The following MAML3 variants were observed in gnomAD, a reference collection of about 807,000 sequenced individuals.
MAML3 encodes mastermind-like protein 3.
MAML3 carries 27 observed loss-of-function variants against 101.9 expected under a neutral mutation model. The ratio of observed to expected loss-of-function variants is 0.27; its 90% CI spans 0.20 to 0.37. The LOEUF (loss-of-function observed/expected upper bound fraction) is 0.37. MAML3 is among the 10% of genes least tolerant of loss of function. The probability of loss-of-function intolerance (pLI) is 1.00; values close to 1 mark genes in which losing one functional copy is unlikely to be tolerated. For synonymous variants in MAML3, 501 were observed against 555.9 expected, an observed-to-expected ratio of 0.90 and a Z score of 1.39; for missense variants, 1,316 against 1,444.9, an observed-to-expected ratio of 0.91 and a Z score of 1.45.
intron 1 of MAML3, among the ~76,000 whole-genome samples, chr4:139,948,194 G>A (rs1733766757): frequency 6.6e-6 from 1 of 151,968 alleles, no homozygotes. Context: ...CAAAACAAAA[G>A]TCTATGTGGA....
At chr4:140,073,208 G>T (rs1727694543) in intron 1 of MAML3, among the ~76,000 whole-genome samples, 2 of 151,748 alleles carry the variant, frequency 1.3e-5, no homozygotes, top group Non-Finnish European at 1.5e-5. Flanking sequence ...CAAGATCTTG[G>T]TTCACTGCAA....
chr4:140,045,131 C>T (rs1727160518), intron 1 of MAML3, among the ~76,000 whole-genome samples: 2 of 152,204 alleles, frequency 1.3e-5, no homozygotes, highest in Admixed American at 1.3e-4. Flanking sequence ...CACAGTGGCT[C>T]ATGCCTGTAA....
chr4:139,831,101 T>C (rs1560807445), intron 2 of MAML3, among the ~76,000 whole-genome samples: 1 of 152,140 alleles, frequency 6.6e-6, no homozygotes, highest in Non-Finnish European at 1.5e-5. Flanking sequence ...CCTCAGAGAA[T>C]AGAAGAGGTT....
chr4:139,722,585 T>C (rs1446042659), intron 4 of MAML3, among the ~76,000 whole-genome samples: 1 of 152,188 alleles, frequency 6.6e-6, no homozygotes, highest in African/African-American at 2.4e-5. Context: ...GATGATAGTA[T>C]CCAACTTTTT....
intron 1 of MAML3, among the ~76,000 whole-genome samples, chr4:140,018,346 T>C (rs550560326): frequency 6.6e-6 from 1 of 152,260 alleles, no homozygotes; most frequent in East Asian, 1.9e-4. Context: ...TATCTACTCA[T>C]GGAAAGATCA....
chr4:139,999,649 C>T (rs537151208), intron 1 of MAML3, among the ~76,000 whole-genome samples: 4 of 152,254 alleles, frequency 2.6e-5, no homozygotes, highest in East Asian at 1.9e-4. Flanking sequence ...TACAGAGAGG[C>T]TTGGCAGTCT....
At chr4:139,883,840 A>G (rs1732269689) in intron 2 of MAML3, among the ~76,000 whole-genome samples, 2 of 151,634 alleles carry the variant, frequency 1.3e-5, no homozygotes, top group African/African-American at 4.8e-5. Flanking sequence ...AAACTGAAAA[A>G]AGGGGTTCCA....
chr4:140,135,758 C>A (rs776497378), intron 1 of MAML3, among the ~76,000 whole-genome samples: 8 of 152,244 alleles, frequency 5.3e-5, no homozygotes, highest in Non-Finnish European at 1.0e-4. Context: ...TGTCCTGCTG[C>A]AACAGTGGGG....
At chr4:139,971,916 A>G (rs1734241399) in intron 1 of MAML3, among the ~76,000 whole-genome samples, 2 of 152,194 alleles carry the variant, frequency 1.3e-5, no homozygotes, top group African/African-American at 4.8e-5. Context: ...TGGCTCATTC[A>G]CTAGTGGACC....
At chr4:140,008,531 G>A (rs1017785938) in intron 1 of MAML3, among the ~76,000 whole-genome samples, 1 of 152,164 alleles carries the variant, frequency 6.6e-6, no homozygotes, top group Non-Finnish European at 1.5e-5. Context: ...GGTCCCTGAA[G>A]GAACTACGAA....
At chr4:140,150,713 C>T (rs932489857) in intron 1 of MAML3, among the ~76,000 whole-genome samples, 64 of 151,960 alleles carry the variant, frequency 4.2e-4, no homozygotes, top group Admixed American at 3.4e-3. Flanking sequence ...TTCTCAGTCT[C>T]AGGTTCACAA....
chr4:139,797,178 T>A (rs754879312), intron 2 of MAML3, among the ~76,000 whole-genome samples: 4 of 152,228 alleles, frequency 2.6e-5, no homozygotes, highest in Non-Finnish European at 4.4e-5. Flanking sequence ...TATCTCAACC[T>A]AAGTTGGCAT....
intron 1 of MAML3, among the ~76,000 whole-genome samples, chr4:140,129,448 C>G (rs1202185343): frequency 6.6e-6 from 1 of 152,108 alleles, no homozygotes; most frequent in East Asian, 1.9e-4. Context: ...CAAATTAAAT[C>G]AAAACTGATT....
At chr4:140,069,421 G>GGGGAAGGAGGA (rs1560883650) in intron 1 of MAML3, among the ~76,000 whole-genome samples, 17 of 26,810 alleles carry the variant, frequency 6.3e-4, no homozygotes, top group African/African-American at 1.3e-3. Flanking sequence ...GAGGAGGAGG[G>GGGGAAGGAGGA]GAAGGAGGAG....
chr4:139,767,515 C>A (rs1429131627), intron 2 of MAML3, among the ~76,000 whole-genome samples: 1 of 152,192 alleles, frequency 6.6e-6, no homozygotes, highest in Non-Finnish European at 1.5e-5. Context: ...CTCTTTCAAA[C>A]TCCATAATGG....
intron 1 of MAML3, among the ~76,000 whole-genome samples, chr4:140,025,788 G>C (rs144356781): frequency 6.6e-6 from 1 of 152,160 alleles, no homozygotes; most frequent in African/African-American, 2.4e-5. Flanking sequence ...TCTCAACCGC[G>C]ATTGAAAAAT....
chr4:139,806,974 T>C (rs1414300696), intron 2 of MAML3, among the ~76,000 whole-genome samples: 1 of 152,208 alleles, frequency 6.6e-6, no homozygotes, highest in Non-Finnish European at 1.5e-5. Context: ...ACACATCAGG[T>C]GCATAGTTCT....
chr4:139,866,605 A>C (rs1731904110), intron 2 of MAML3, among the ~76,000 whole-genome samples: 1 of 152,206 alleles, frequency 6.6e-6, no homozygotes, highest in African/African-American at 2.4e-5. Flanking sequence ...CAGTAACCAC[A>C]GACAGGTGAC....
At chr4:140,010,312 G>A (rs573341076) in intron 1 of MAML3, among the ~76,000 whole-genome samples, 3 of 152,078 alleles carry the variant, frequency 2.0e-5, no homozygotes, top group African/African-American at 7.2e-5. Flanking sequence ...GTTTTGACTG[G>A]GGTGACTGGA....
Sources: gnomAD v4.1 joint callset for allele counts (sites outside exome capture counted in the v4.1 genomes callset) on GRCh38, gnomAD v4.1.1 for gene constraint, MANE v1.5 for transcripts, NCBI Gene and HGNC (gene_info 2026-07-23, HGNC 2026-07-21) for gene names.